The following RBM39 variants were observed in gnomAD, a reference collection of about 807,000 sequenced individuals.
The protein encoded by RBM39 is RNA-binding protein 39.
Under a neutral mutation model 79.6 loss-of-function variants are expected in RBM39, and 12 were observed. The observed-to-expected ratio is 0.15, with a 90% CI of 0.10 to 0.24. The LOEUF (loss-of-function observed/expected upper bound fraction) is 0.24. RBM39 is among the 10% of genes least tolerant of loss of function. The pLI is 1.00. For missense variants in RBM39, 243 were observed against 653.4 expected (o/e 0.37, Z 6.85); for synonymous variants, 185 against 208.4 (o/e 0.89, Z 0.97).
In RBM39 at chr20:35,704,548, G is replaced by T. The variant is rs1311751078; in HGVS notation, c.1526C>A (p.Pro509Gln). The T allele has an allele frequency of 1.9e-6, 3 of 1,613,480 alleles. No homozygotes were observed. The highest frequency in any genetic ancestry group is 2.5e-6 in the Non-Finnish European group (3 of 1,179,596). The change falls in exon 17 of 17, where the codon CCA (proline) becomes CAA (glutamine). Residue 509 changes from proline to glutamine, a missense_variant. Physicochemically the swap from Pro to Gln is moderately conservative, Grantham distance 76 (BLOSUM62 -1). Around this residue, in one of 4 missense-constraint regions of RBM39, gnomAD observed 48 missense variants for 130.2 expected, o/e 0.37. Transcript: ENST00000253363. Reference protein sequence around the residue: ...KMITAAYVPLPTYHNLFPDSM... With the variant: ...KMITAAYVPLQTYHNLFPDSM... The stretch of plus-strand genomic sequence containing the variant: ...ATCAGGAAACAGGTTGTGGTAAGTT[G>T]GAAGAGGTACATATGCTGCTGTTAT...
intron 3 of RBM39, among the ~76,000 whole-genome samples, chr20:35,733,618 A>G (rs1035178447): frequency 1.3e-5 from 2 of 151,898 alleles, no homozygotes; most frequent in Admixed American, 1.3e-4. Context: ...AAAAAAAAAG[A>G]AAAAGAAAAA....
intron 12 of RBM39, among the ~76,000 whole-genome samples, chr20:35,711,493 C>T (rs1568996624): frequency 6.6e-6 from 1 of 152,148 alleles, no homozygotes; most frequent in Non-Finnish European, 1.5e-5. Context: ...GTTAAATACA[C>T]AAATGCCTTA....
intron 9 of RBM39, among the ~76,000 whole-genome samples, chr20:35,719,363 T>A (rs530322203): frequency 7.9e-5 from 12 of 152,222 alleles, no homozygotes; most frequent in African/African-American, 2.9e-4. Flanking sequence ...TTACAGCTGT[T>A]TGGAAGAGAG....
In RBM39 at chr20:35,731,972, G is replaced by T. The variant is rs772858656; in HGVS notation, c.265C>A (p.Arg89=). The T allele has an allele frequency of 6.2e-6, 10 of 1,613,922 alleles. No homozygotes were observed. The highest frequency in any genetic ancestry group is 1.3e-5 in the African/African-American group (1 of 74,960). Reference sequence around the variant, plus strand: ...CTTCTGTAGCGGCCTCTAAATCTTCGATCTCGACTTCTTGAGCGGCTCCGT... The same window carrying T: ...CTTCTGTAGCGGCCTCTAAATCTTCTATCTCGACTTCTTGAGCGGCTCCGT... ...RRRSRSRSRD[R]RFRGRYRSPY... is the part of the protein sequence containing the mutation. Residue 89 remains arginine (R), a synonymous_variant, in exon 4 of 17, where the codon CGA becomes AGA. Coordinates refer to ENST00000253363, the MANE Select transcript of RBM39 (RefSeq NM_184234.3).
At position 35,714,261 on chromosome 20, in the gene RBM39, G is replaced by A. The variant is rs759384446; in HGVS notation, c.1020C>T (p.Asp340=). The A allele has an allele frequency of 2.5e-6, 4 of 1,613,866 alleles. No homozygotes were observed. The highest frequency in any genetic ancestry group is 1.7e-4 in the Middle Eastern group (1 of 6,054). ...TTCCAGTCCTTTCCAGTTCATCACT[G>A]TCCAAAAATGAACTAGCACTCGAAG... ...TDASSASSFL[D]SDELERTGID... The change falls in exon 11 of 17, where the codon GAC becomes GAT. Residue 340 remains aspartate (D), a synonymous_variant. Transcript: ENST00000253363.
At position 35,702,408 on chromosome 20, in the gene RBM39, CATT is replaced by C. The variant is rs1387055407; in HGVS notation, c.*2070_*2072del. ...ACACTCCAACCACATTTCCTCTGAA[CATT>C]ATTTACACACCAAATTTCACTCTGG... On this transcript the variant is annotated 3_prime_UTR_variant, in exon 17 of 17. Coordinates refer to ENST00000253363, the MANE Select transcript of RBM39 (RefSeq NM_184234.3). The C allele has an allele frequency of 2.0e-5, 3 of 152,342 alleles. No homozygotes were observed. The highest frequency in any genetic ancestry group is 3.9e-4 in the East Asian group (2 of 5,192). 9.4% of individuals were successfully genotyped at this position (152,342 alleles called of 1,614,324 possible). A position where few individuals can be genotyped will look rare whatever the true frequency, so the allele number is the denominator to read the frequency against.
intron 4 of RBM39, chr20:35,731,389 T>A (rs2039350700): frequency 6.6e-6 from 1 of 152,388 alleles, no homozygotes; most frequent in Non-Finnish European, 1.5e-5. Flanking sequence ...TTATTATTAT[T>A]AACAAACCTT....
chr20:35,731,080 G>A (rs987757666), intron 4 of RBM39, among the ~76,000 whole-genome samples: 1 of 152,030 alleles, frequency 6.6e-6, no homozygotes, highest in African/African-American at 2.4e-5. Flanking sequence ...CTTAGCTTAG[G>A]GGATTAAGTA....
rs1412733720 is a variant in RBM39, at chr20:35,703,405, C to A, written c.*1076G>T. On this transcript the variant is annotated 3_prime_UTR_variant, in exon 17 of 17. Transcript: ENST00000253363. ...CTGTTTCCTTTTCTTTTTGGTAAAC[C>A]CCTCAGTTTTGATACATTCTTCTAA... 6.6e-6 allele frequency: 1 copy of A among 151,954 alleles called. No homozygotes were observed. Among genetic ancestry groups the A allele is most frequent in the Non-Finnish European group, 1.5e-5 (1 of 67,994 alleles). 9.4% of individuals were successfully genotyped at this position (151,954 alleles called of 1,614,324 possible). A position where few individuals can be genotyped will look rare whatever the true frequency, so the allele number is the denominator to read the frequency against.
At chr20:35,722,390 G>A (rs952240457) in intron 8 of RBM39, among the ~76,000 whole-genome samples, 5 of 145,512 alleles carry the variant, frequency 3.4e-5, no homozygotes, top group Non-Finnish European at 6.0e-5. Flanking sequence ...CTGGGTGACA[G>A]AGTGAGACTC....
chr20:35,721,569 T>C (rs1282582147), intron 9 of RBM39, among the ~76,000 whole-genome samples, 171 bp downstream of exon 9: 1 of 152,258 alleles, frequency 6.6e-6, no homozygotes, highest in Non-Finnish European at 1.5e-5. Context: ...CTTTTAAGAA[T>C]CTATCAAGTG....
chr20:35,704,291 G>A lies in RBM39; in HGVS notation c.*190C>T, dbSNP rs550170209. ...ACAAGAGAACAGTTTTGTATACAGT[G>A]GGATTTACTATTTAGGGAGAATGAG... On this transcript the variant is annotated 3_prime_UTR_variant, in exon 17 of 17. Transcript: ENST00000253363. The A allele has an allele frequency of 4.1e-6, 2 of 486,494 alleles. No homozygotes were observed. The allele number at this position is 486,494 out of a possible 1,614,324, so 30.1% of individuals were successfully genotyped here.
At chr20:35,707,050 A>AAAAAAT in intron 14 of RBM39, 70 bp downstream of exon 14, 1 of 700,934 alleles carries the variant, frequency 1.4e-6, no homozygotes. Flanking sequence ...AAAAAAAAAA[A>AAAAAAT]AGAGAAATAT....
At position 35,724,869 on chromosome 20, in the gene RBM39, T is replaced by C. The variant is rs2038464435; in HGVS notation, c.535-147A>G. ...GGACAATTCCTATATCCTATCTTTA[T>C]CTTTGAACAAATTTGTAGTAACATT... On this transcript the variant is annotated intron_variant, in intron 7 of 16. Coordinates refer to ENST00000253363, the MANE Select transcript of RBM39 (RefSeq NM_184234.3). The C allele has an allele frequency of 8.6e-6, 10 of 1,159,874 alleles. No individual in the cohort carries two copies. In the South Asian group the frequency reaches 1.1e-4, roughly 13 times the overall value. The allele number at this position is 1,159,874 out of a possible 1,614,324, so 71.8% of individuals were successfully genotyped here. A position where few individuals can be genotyped will look rare whatever the true frequency, so the allele number is the denominator to read the frequency against.
intron 3 of RBM39, chr20:35,734,362 C>T (rs1329834841): frequency 1.1e-5 from 6 of 550,170 alleles, no homozygotes; most frequent in Admixed American, 2.9e-5. Flanking sequence ...CTCATCAAAG[C>T]CATGCCCAGA....
At chr20:35,714,770 C>T (rs903743527) in intron 10 of RBM39, among the ~76,000 whole-genome samples, 4 of 151,886 alleles carry the variant, frequency 2.6e-5, no homozygotes, top group African/African-American at 7.3e-5. Flanking sequence ...CAAAAATGTG[C>T]CCAGGGACAA....
intron 8 of RBM39, among the ~76,000 whole-genome samples, chr20:35,722,760 C>A (rs775040370): frequency 6.6e-6 from 1 of 151,480 alleles, no homozygotes; most frequent in African/African-American, 2.4e-5. Context: ...AGTGAAACCC[C>A]GTCTCTACTA....
chr20:35,725,291 G>T, intron 6 of RBM39, 136 bp from the exon 7 acceptor site: 1 of 592,878 alleles, frequency 1.7e-6, no homozygotes, highest in Non-Finnish European at 3.0e-6. Context: ...TTCTTTAATG[G>T]TGAATTCTGA....
At chr20:35,718,004 ACC>A (rs1366510192) in intron 9 of RBM39, among the ~76,000 whole-genome samples, 1 of 151,894 alleles carries the variant, frequency 6.6e-6, no homozygotes, top group Non-Finnish European at 1.5e-5. Context: ...GACTACAGGC[ACC>A]CACCACCACG....
Sources: gnomAD v4.1 joint callset for allele counts (sites outside exome capture counted in the v4.1 genomes callset) on GRCh38, gnomAD v4.1.1 for gene constraint, gnomAD v4.1.1 regional missense constraint, MANE v1.5 for transcripts, NCBI Gene and HGNC (gene_info 2026-07-23, HGNC 2026-07-21) for gene names.